CDH9: variants seen among roughly 807,000 people sequenced by gnomAD.
CDH9 encodes cadherin 9.
In CDH9, 28 loss-of-function variants were observed where a neutral mutation model predicts 70.9. That is an observed-to-expected ratio of 0.40 (90% confidence interval 0.29 to 0.54). CDH9 has a LOEUF of 0.54. Among genes scored for constraint, CDH9 ranks in the 20% least tolerant of loss-of-function variants. The pLI, the probability that CDH9 is intolerant of heterozygous loss-of-function variation, is 0.59. For synonymous variants in CDH9, 409 were observed against 343.1 expected, an observed-to-expected ratio of 1.19 and a Z score of -2.12; for missense variants, 874 against 984.4, an observed-to-expected ratio of 0.89 and a Z score of 1.50.
intron 7 of CDH9, among the ~76,000 whole-genome samples, chr5:26,891,013 ATCGCTC>A (rs1211995023): frequency 6.6e-6 from 1 of 152,200 alleles, no homozygotes; most frequent in Non-Finnish European, 1.5e-5. Context: ...TATAAAATAC[ATCGCTC>A]TTGAATGTTT....
chr5:27,013,864 T>C (rs1743002904), intron 1 of CDH9, among the ~76,000 whole-genome samples: 1 of 151,936 alleles, frequency 6.6e-6, no homozygotes, highest in Admixed American at 6.6e-5. Context: ...CTATATCCCA[T>C]ACAAAATGAA....
intron 2 of CDH9, among the ~76,000 whole-genome samples, chr5:26,980,004 A>G (rs192588867): frequency 1.2e-3 from 180 of 152,018 alleles, no homozygotes; most frequent in African/African-American, 4.2e-3. Flanking sequence ...ATTGAACACC[A>G]TTGTTAAATT....
chr5:26,896,490 A>ATT (rs2111980153), intron 7 of CDH9, among the ~76,000 whole-genome samples: 1 of 149,368 alleles, frequency 6.7e-6, no homozygotes, highest in South Asian at 2.2e-4. Flanking sequence ...AATGAAATGA[A>ATT]TTTCATTTCA....
intron 5 of CDH9, among the ~76,000 whole-genome samples, 153 bp downstream of exon 5, chr5:26,905,806 A>G (rs917600465): frequency 4.2e-5 from 2 of 47,154 alleles, no homozygotes; most frequent in African/African-American, 9.9e-5. Flanking sequence ...TTTGTGGGAA[A>G]TTGTGTTTTT....
chr5:26,972,457 A>T (rs1371921215), intron 2 of CDH9, among the ~76,000 whole-genome samples: 1 of 152,150 alleles, frequency 6.6e-6, no homozygotes, highest in Non-Finnish European at 1.5e-5. Flanking sequence ...AAACCCATGT[A>T]TATCAAAATC....
intron 2 of CDH9, among the ~76,000 whole-genome samples, chr5:26,950,181 ACACT>A (rs1378126333): frequency 1.3e-5 from 2 of 152,190 alleles, no homozygotes; most frequent in East Asian, 1.9e-4. Context: ...ATTAAGTAAG[ACACT>A]CACACTGGAA....
intron 2 of CDH9, among the ~76,000 whole-genome samples, chr5:26,929,886 G>A (rs1741411205): frequency 6.6e-6 from 1 of 151,968 alleles, no homozygotes; most frequent in Admixed American, 6.6e-5. Flanking sequence ...TGGTTAATGG[G>A]TACAAAAATA....
intron 2 of CDH9, among the ~76,000 whole-genome samples, chr5:26,948,279 G>C (rs28404907): frequency 0.024 from 3,610 of 152,324 alleles, 145 homozygotes; most frequent in African/African-American, 0.082. Flanking sequence ...GGCTAGAGCT[G>C]TTTGGGTTCC....
intron 2 of CDH9, among the ~76,000 whole-genome samples, chr5:26,972,865 ATT>A (rs5866814): frequency 0.012 from 1,731 of 143,288 alleles, 30 homozygotes; most frequent in African/African-American, 0.04. Context: ...GTAAACTCAG[ATT>A]TTTTTTTTTT....
intron 1 of CDH9, among the ~76,000 whole-genome samples, chr5:26,993,795 G>A (rs1427848882): frequency 6.6e-6 from 1 of 151,614 alleles, no homozygotes; most frequent in Admixed American, 6.6e-5. Context: ...TTCAAAGGAG[G>A]GACTATTGCC....
chr5:26,950,494 A>T (rs1308519598), intron 2 of CDH9, among the ~76,000 whole-genome samples: 1 of 152,234 alleles, frequency 6.6e-6, no homozygotes, highest in East Asian at 1.9e-4. Flanking sequence ...GCCTCTAGAA[A>T]CTTTCCAGAG....
rs991975251 is a variant in CDH9 at position 26,905,896 on chromosome 5, T to C, written c.811+63A>G. The C allele has an allele frequency of 2.4e-6, 3 of 1,239,982 alleles. No homozygotes were observed. In the African/African-American group the frequency reaches 4.5e-5, roughly 19 times the overall value. 76.8% of individuals were successfully genotyped at this position (1,239,982 alleles called of 1,614,324 possible). ...AACTACTAGTATGAAATGTGAATAT[T>C]AAACTCGGCTACTAGTGTATTTGAG... On this transcript the variant is annotated intron_variant, in intron 5 of 11. Transcript: ENST00000231021.
chr5:27,003,232 T>G (rs899476412), intron 1 of CDH9, among the ~76,000 whole-genome samples: 2 of 152,122 alleles, frequency 1.3e-5, no homozygotes, highest in African/African-American at 4.8e-5. Flanking sequence ...GAATTTTGGA[T>G]GTTCTACCTG....
intron 2 of CDH9, among the ~76,000 whole-genome samples, chr5:26,986,305 G>A (rs543858042): frequency 2.0e-5 from 3 of 151,708 alleles, no homozygotes; most frequent in East Asian, 3.9e-4. Flanking sequence ...ACTTGTCCAC[G>A]CATAAATCCA....
chr5:27,032,871 T>G (rs1743332587), intron 1 of CDH9, among the ~76,000 whole-genome samples: 1 of 151,494 alleles, frequency 6.6e-6, no homozygotes, highest in African/African-American at 2.4e-5. Flanking sequence ...ATATTTGCTT[T>G]GTATTATACA....
intron 1 of CDH9, among the ~76,000 whole-genome samples, chr5:27,033,507 G>A (rs1356793773): frequency 6.6e-6 from 1 of 151,336 alleles, no homozygotes; most frequent in African/African-American, 2.4e-5. Context: ...CAGACAGATA[G>A]ATGTCACTTT....
At chr5:27,004,034 T>C (rs532349786) in intron 1 of CDH9, among the ~76,000 whole-genome samples, 1 of 137,500 alleles carries the variant, frequency 7.3e-6, no homozygotes, top group African/African-American at 2.7e-5. Flanking sequence ...AGAAGAAGAA[T>C]AAAGCAAGTT....
chr5:26,969,378 T>G (rs1742179873), intron 2 of CDH9, among the ~76,000 whole-genome samples: 8 of 152,128 alleles, frequency 5.3e-5, no homozygotes, highest in Admixed American at 5.2e-4. Flanking sequence ...ACAAGACTGA[T>G]TGGAGAAGAA....
intron 2 of CDH9, among the ~76,000 whole-genome samples, chr5:26,922,871 T>C (rs1374285351): frequency 7.9e-5 from 12 of 151,704 alleles, no homozygotes; most frequent in Non-Finnish European, 5.9e-5. Flanking sequence ...ATGTAGAGTT[T>C]TTATTAGTTT....
Sources: allele counts gnomAD v4.1 joint callset (sites outside exome capture counted in the v4.1 genomes callset), GRCh38; gene constraint gnomAD v4.1.1; transcripts MANE v1.5; gene names NCBI Gene and HGNC (gene_info 2026-07-23, HGNC 2026-07-21).